RIMS3: variants seen among roughly 807,000 people sequenced by gnomAD.
RIMS3 encodes regulating synaptic membrane exocytosis 3, also known as regulating synaptic membrane exocytosis protein 3.
RIMS3 carries 15 observed loss-of-function variants against 29.2 expected under a neutral mutation model. That is an observed-to-expected ratio of 0.51 (90% CI 0.34 to 0.79). The LOEUF is 0.79. Ranked by LOEUF, RIMS3 falls within the 30% of genes least tolerant of loss-of-function variation. The pLI is 0.01. For synonymous variants in RIMS3, 161 were observed against 170.1 expected, an observed-to-expected ratio of 0.95 and a Z score of 0.41; for missense variants, 342 against 421.4, an observed-to-expected ratio of 0.81 and a Z score of 1.65.
At chr1:40,651,948 T>C (rs542838277) in intron 1 of RIMS3, among the ~76,000 whole-genome samples, 1 of 152,334 alleles carries the variant, frequency 6.6e-6, no homozygotes, top group East Asian at 1.9e-4. Flanking sequence ...TCTATCTGCT[T>C]GATAACTGCT....
upstream of RIMS3, chr1:40,665,737 C>G (rs957943597): frequency 6.5e-6 from 1 of 152,840 alleles, no homozygotes; most frequent in Non-Finnish European, 1.5e-5. Flanking sequence ...GGGGGCGGGG[C>G]CGCGTGGATG....
Position 40,622,773 on chromosome 1 carries a change from T to A in RIMS3, c.*3744A>T, listed in dbSNP as rs1246515194. 1 of 152,680 alleles carries A rather than the reference T, an allele frequency of 6.5e-6. No individual in the cohort carries two copies. The highest frequency in any genetic ancestry group is 2.4e-5 in the African/African-American group (1 of 41,406). The allele number at this position is 152,680 out of a possible 1,614,324, so 9.5% of individuals were successfully genotyped here. A position where few individuals can be genotyped will look rare whatever the true frequency, so the allele number is the denominator to read the frequency against. On this transcript the variant is annotated 3_prime_UTR_variant, in exon 8 of 8. Coordinates refer to ENST00000372684, the MANE Select transcript of RIMS3 (RefSeq NM_014747.3). ...AGGAGCATCACTAAAGCCCCATTGC[T>A]TTCTGGGCTGAGGAAGATGGGGAAT...
chr1:40,679,297 C>T, the RIMS3 span, among the ~76,000 whole-genome samples: 5 of 152,310 alleles, frequency 3.3e-5, no homozygotes, highest in East Asian at 5.8e-4. Flanking sequence ...CCCACCATCC[C>T]CTCCCCAGGC....
chr1:40,623,858 T>A lies in RIMS3; in HGVS notation c.*2659A>T. 3.9e-6 allele frequency: 1 copy of A among 258,798 alleles called. No homozygotes were observed. Among genetic ancestry groups the A allele is most frequent in the Admixed American group, 5.4e-5 (1 of 18,434 alleles). The allele number at this position is 258,798 out of a possible 1,614,324, so 16.0% of individuals were successfully genotyped here. The stretch of plus-strand genomic sequence containing the variant: ...CACAGACGTGTCAGCCTCACACAAC[T>A]TTACCCTCATGGGGTAAAATCCAGG... On this transcript the variant is annotated 3_prime_UTR_variant, in exon 8 of 8. Coordinates refer to ENST00000372684, the MANE Select transcript of RIMS3 (RefSeq NM_014747.3).
chr1:40,648,423 A>G (rs1646608785), intron 1 of RIMS3, among the ~76,000 whole-genome samples: 1 of 152,240 alleles, frequency 6.6e-6, no homozygotes, highest in Non-Finnish European at 1.5e-5. Context: ...CTGCAGGCAG[A>G]CAGACTTAAG....
At chr1:40,629,202 G>A (rs1021790853) in intron 6 of RIMS3, 69 bp downstream of exon 6, 1 of 1,355,500 alleles carries the variant, frequency 7.4e-7, no homozygotes, top group Non-Finnish European at 1.1e-6. Flanking sequence ...TGGGAGCTGA[G>A]GACCTGCTAG....
chr1:40,661,113 C>T (rs1243235753), intron 1 of RIMS3, among the ~76,000 whole-genome samples: 3 of 152,152 alleles, frequency 2.0e-5, no homozygotes, highest in Non-Finnish European at 4.4e-5. Context: ...TGCAGTTGGA[C>T]AACCTGGTTT....
At chr1:40,646,432 C>T (rs1264014669) in intron 2 of RIMS3, among the ~76,000 whole-genome samples, 1 of 152,106 alleles carries the variant, frequency 6.6e-6, no homozygotes, top group Non-Finnish European at 1.5e-5. Flanking sequence ...CAAACGATTG[C>T]TAAATAAACT....
rs1646518216 is a variant in RIMS3, at chr1:40,636,110, T to C, written c.218-53A>G. ...AGAGGGAACAAGGTCAGATTATGAA[T>C]GGGGCTTCTCTAAGAGTCCTGCCAA... is the stretch of plus-strand genomic sequence containing the variant. On this transcript the variant is annotated intron_variant, in intron 3 of 7. Coordinates refer to ENST00000372684, the MANE Select transcript of RIMS3 (RefSeq NM_014747.3). The surrounding 1 kb of genome is among the most constrained non-coding windows in gnomAD (Gnocchi z 4.2). 1 of 1,594,778 alleles carries C rather than the reference T, an allele frequency of 6.3e-7. No individual in the cohort carries two copies. The highest frequency in any genetic ancestry group is 1.7e-5 in the Admixed American group (1 of 59,874).
At chr1:40,656,263 T>C (rs1005698244) in intron 1 of RIMS3, among the ~76,000 whole-genome samples, 1 of 152,088 alleles carries the variant, frequency 6.6e-6, no homozygotes, top group African/African-American at 2.4e-5. Flanking sequence ...AAAAATAAAT[T>C]GACACTTTTA....
intron 2 of RIMS3, among the ~76,000 whole-genome samples, chr1:40,643,361 G>A (rs1347062309): frequency 6.6e-6 from 1 of 152,028 alleles, no homozygotes; most frequent in Non-Finnish European, 1.5e-5. Flanking sequence ...TCGAACTCCT[G>A]ACCCCAGGTA....
At chr1:40,652,633 G>T (rs1642196173) in intron 1 of RIMS3, among the ~76,000 whole-genome samples, 1 of 152,220 alleles carries the variant, frequency 6.6e-6, no homozygotes, top group South Asian at 2.1e-4. Flanking sequence ...AGCGCAGTTG[G>T]AGAGGAGGTA....
At chr1:40,681,302 T>C in the RIMS3 span, among the ~76,000 whole-genome samples, 5 of 152,244 alleles carry the variant, frequency 3.3e-5, no homozygotes, top group Admixed American at 6.5e-5. Context: ...AGAAGGCAAG[T>C]AGTGAGTGTG....
At chr1:40,674,170 AGAG>A in the RIMS3 span, among the ~76,000 whole-genome samples, 1 of 152,202 alleles carries the variant, frequency 6.6e-6, no homozygotes, top group Admixed American at 6.5e-5. Context: ...AGAAGGAAGA[AGAG>A]GAGGAGGAAG....
intron 1 of RIMS3, among the ~76,000 whole-genome samples, chr1:40,655,099 G>A (rs774316087): frequency 1.3e-5 from 2 of 152,176 alleles, no homozygotes; most frequent in Non-Finnish European, 2.9e-5. Context: ...GGCCCCCTGG[G>A]GTCTGCTGCG....
At chr1:40,630,578 C>T (rs1646483406) in intron 5 of RIMS3, among the ~76,000 whole-genome samples, 1 of 152,210 alleles carries the variant, frequency 6.6e-6, no homozygotes. Context: ...AATTCATCCA[C>T]CTCCATCCAG....
intron 5 of RIMS3, among the ~76,000 whole-genome samples, chr1:40,632,331 G>C (rs923840810): frequency 6.6e-6 from 1 of 150,730 alleles, no homozygotes; most frequent in African/African-American, 2.4e-5. Flanking sequence ...CTTGATATTG[G>C]CATTGCAGAT....
the RIMS3 span, among the ~76,000 whole-genome samples, chr1:40,685,465 G>C: frequency 2.8e-4 from 43 of 151,502 alleles, no homozygotes; most frequent in East Asian, 7.3e-3. Flanking sequence ...CTGACCCTGA[G>C]TGAAGGACAG....
the RIMS3 span, among the ~76,000 whole-genome samples, chr1:40,678,225 T>C: frequency 2.0e-5 from 3 of 152,108 alleles, no homozygotes; most frequent in Non-Finnish European, 4.4e-5. Flanking sequence ...CTGGCCCACA[T>C]GGTGAAACCC....
Sources: gnomAD v4.1 joint callset for allele counts (sites outside exome capture counted in the v4.1 genomes callset) on GRCh38, gnomAD v4.1.1 for gene constraint, Gnocchi (gnomAD v3.1) non-coding constraint, MANE v1.5 for transcripts, NCBI Gene and HGNC (gene_info 2026-07-23, HGNC 2026-07-21) for gene names.